DOT1L: variants seen among roughly 807,000 people sequenced by gnomAD.
DOT1L encodes the protein DOT1 like histone lysine methyltransferase, also known as histone-lysine N-methyltransferase, H3 lysine-79 specific.
Under a neutral mutation model 153.3 loss-of-function variants are expected in DOT1L, and 33 were observed. The ratio of observed to expected loss-of-function variants is 0.22; its 90% CI spans 0.16 to 0.29. The LOEUF (loss-of-function observed/expected upper bound fraction) is 0.29, where lower values mean the gene tolerates loss of function less well. Among genes scored for constraint, DOT1L ranks in the 10% least tolerant of loss-of-function variants. The probability of loss-of-function intolerance (pLI) is 1.00; values close to 1 mark genes in which losing one functional copy is unlikely to be tolerated. For synonymous variants in DOT1L, 1,135 were observed against 965.1 expected, an observed-to-expected ratio of 1.18 and a Z score of -3.26; for missense variants, 1,847 against 2,119.9, an observed-to-expected ratio of 0.87 and a Z score of 2.53.
Position 2,216,403 on chromosome 19 carries a change from G to C in DOT1L, c.2046G>C (p.Glu682Asp), listed in dbSNP as rs768380941. The change falls in exon 20 of 28, where the codon GAG (glutamate) becomes GAC (aspartate). Residue 682 changes from glutamate to aspartate, a missense_variant. By Grantham distance (45) the Glu-to-Asp change is conservative (BLOSUM62 2). This residue lies in a region of DOT1L where 281 missense variants were observed against 263.6 expected (regional missense o/e 1.07). Transcript: ENST00000398665. ...GTGGGAAGGGCGCCCTGGGCCGCGAGCTGGAGCCTGACGCCAGCCGGCTGC... is the reference window on the plus strand; with the variant it reads ...GTGGGAAGGGCGCCCTGGGCCGCGACCTGGAGCCTGACGCCAGCCGGCTGC... ...HLRGKGALGR[E>D]LEPDASRLHL... The C allele has an allele frequency of 2.5e-6, 4 of 1,612,460 alleles. No homozygotes were observed. The South Asian group carries it at 4.4e-5, about 18-fold the overall frequency.
chr19:2,180,386 TG>T (rs993229958), intron 1 of DOT1L, among the ~76,000 whole-genome samples: 2 of 151,956 alleles, frequency 1.3e-5, no homozygotes, highest in African/African-American at 4.8e-5. Context: ...GGGAGACATG[TG>T]GAGCGGAGCT....
rs770619372 is a variant in DOT1L at position 2,208,164 on chromosome 19, GC to G, written c.963+486del. Among the ~76,000 whole-genome samples, 19 of 152,078 alleles carry G rather than the reference GC, an allele frequency of 1.2e-4. No homozygotes were observed. The highest frequency in any genetic ancestry group is 1.9e-4 in the Non-Finnish European group (13 of 67,982). The stretch of plus-strand genomic sequence containing the variant: ...TGACACAGCCCTGGGCCAGTGTGCG[GC>G]CTGCCTGCCTCCCACGGTGCTTCCC... On this transcript the variant is annotated intron_variant, in intron 11 of 27. Transcript: ENST00000398665. This position sits in a 1 kb window ranked among gnomAD's most constrained non-coding sequence, Gnocchi z 4.4.
chr19:2,195,203 G>T (rs1373772883), intron 7 of DOT1L, among the ~76,000 whole-genome samples: 1 of 152,014 alleles, frequency 6.6e-6, no homozygotes, highest in Non-Finnish European at 1.5e-5. Flanking sequence ...ACCCAGGTTG[G>T]GTGATTAATG....
chr19:2,205,007 G>GGAC (rs2023437536), intron 9 of DOT1L, among the ~76,000 whole-genome samples: 2 of 151,336 alleles, frequency 1.3e-5, no homozygotes, highest in Non-Finnish European at 2.9e-5. Context: ...GTCTCACTCT[G>GGAC]TCGCCCAGGC....
intron 27 of DOT1L, 56 bp from the exon 28 acceptor site, chr19:2,229,729 C>T (rs1390744909): frequency 4.3e-6 from 7 of 1,611,376 alleles, no homozygotes; most frequent in Non-Finnish European, 5.9e-6. Context: ...GAGTGTTGGG[C>T]TCCCCCAGGC....
At chr19:2,227,322 C>T in intron 27 of DOT1L, 195 bp downstream of exon 27, 2 of 780,576 alleles carry the variant, frequency 2.6e-6, no homozygotes, top group Non-Finnish European at 4.5e-6. Flanking sequence ...GTCCGTGTGT[C>T]TTGGGTTCTC....
chr19:2,198,868 T>C (rs1287213355), intron 7 of DOT1L, among the ~76,000 whole-genome samples: 2 of 152,206 alleles, frequency 1.3e-5, no homozygotes, highest in Admixed American at 6.5e-5. Flanking sequence ...GCATCCGCGA[T>C]GTGGCCTGGG....
At chr19:2,200,390 C>T (rs1243188196) in intron 8 of DOT1L, among the ~76,000 whole-genome samples, 1 of 152,204 alleles carries the variant, frequency 6.6e-6, no homozygotes. Context: ...CTGGGCTTGC[C>T]CCTCCGCGCC....
chr19:2,194,600 G>A (rs982956000), intron 7 of DOT1L, 23 bp downstream of exon 7: 32 of 1,594,608 alleles, frequency 2.0e-5, no homozygotes, highest in Admixed American at 5.0e-5. Flanking sequence ...GCTCCGCCCC[G>A]GCTCCCATCG....
Position 2,217,724 on chromosome 19 carries a change from T to TG in DOT1L, c.2545-46dup, listed in dbSNP as rs781152408. The TG allele has an allele frequency of 2.6e-6, 4 of 1,568,418 alleles. No individual in the cohort carries two copies. The highest frequency in any genetic ancestry group is 3.5e-6 in the Non-Finnish European group (4 of 1,157,968). ...TCCTGTGGCTGTGGTCCCTGTGTCC[T>TG]GGAGGGGTTTGTTGACCCACGACTG... On this transcript the variant is annotated intron_variant, in intron 21 of 27. Coordinates refer to ENST00000398665, the MANE Select transcript of DOT1L (RefSeq NM_032482.3). This position sits in a 1 kb window ranked among gnomAD's most constrained non-coding sequence, Gnocchi z 7.3.
At chr19:2,214,956 C>T (rs187459558) in intron 19 of DOT1L, among the ~76,000 whole-genome samples, 2 of 152,288 alleles carry the variant, frequency 1.3e-5, no homozygotes, top group Non-Finnish European at 2.9e-5. Flanking sequence ...GGGCTTATGC[C>T]TGTAATCCCA....
Position 2,222,319 on chromosome 19 carries a change from C to G in DOT1L, c.3150C>G (p.Thr1050=). ...AGAGGAGGATTGTGTTCACCATCAC[C>G]ACTGGTGCGGGCAGTGCCAAGCAGT... ...EAKRRIVFTI[T]TGAGSAKQSP... Residue 1050 remains threonine, a synonymous_variant, in exon 24 of 28, where the codon ACC becomes ACG. Coordinates refer to ENST00000398665, the MANE Select transcript of DOT1L (RefSeq NM_032482.3). This position sits in a 1 kb window ranked among gnomAD's most constrained non-coding sequence, Gnocchi z 6.5. 6.2e-7 allele frequency: 1 copy of G among 1,613,014 alleles called. No homozygotes were observed. The highest frequency in any genetic ancestry group is 8.5e-7 in the Non-Finnish European group (1 of 1,179,916).
At chr19:2,199,311 T>C (rs1302816179) in intron 7 of DOT1L, among the ~76,000 whole-genome samples, 2 of 152,196 alleles carry the variant, frequency 1.3e-5, no homozygotes, top group African/African-American at 4.8e-5. Context: ...CCCCAGGGAC[T>C]GGCGGCTCAG....
intron 2 of DOT1L, among the ~76,000 whole-genome samples, chr19:2,183,752 G>C (rs1285380353): frequency 6.6e-6 from 1 of 151,746 alleles, no homozygotes; most frequent in South Asian, 2.1e-4. Context: ...TCAGCCTCCC[G>C]AGTAGCTGGG....
chr19:2,216,277 G>C lies in DOT1L; in HGVS notation c.1924-4G>C. 1 of 1,561,866 alleles carries C rather than the reference G, an allele frequency of 6.4e-7. No homozygotes were observed. Among genetic ancestry groups the C allele is most frequent in the Non-Finnish European group, 8.7e-7 (1 of 1,148,464 alleles). ...CGGGCCTGACACCATCTCTCCTCCT[G>C]CAGATCAGCATTGTGGAGCTAGAGA... is the stretch of plus-strand genomic sequence containing the variant. On this transcript the variant is annotated splice_region_variant and splice_polypyrimidine_tract_variant and intron_variant, in intron 19 of 27. Coordinates refer to ENST00000398665, the MANE Select transcript of DOT1L (RefSeq NM_032482.3).
Position 2,190,411 on chromosome 19 carries a change from C to T in DOT1L, c.265-601C>T, listed in dbSNP as rs1473344694. ...AGCCCTGGTGGGGGTGGCATGGGCT[C>T]ACTTGGCCCTCCTGAGTGGGACTGG... On this transcript the variant is annotated intron_variant, in intron 4 of 27. Transcript: ENST00000398665. The surrounding 1 kb of genome is among the most constrained non-coding windows in gnomAD (Gnocchi z 4.8). Among the ~76,000 whole-genome samples, 2 of 152,030 alleles carry T rather than the reference C, an allele frequency of 1.3e-5. No individual in the cohort carries two copies. Among genetic ancestry groups the T allele is most frequent in the African/African-American group, 2.4e-5 (1 of 41,378 alleles).
At chr19:2,165,231 G>T (rs555774977) in intron 1 of DOT1L, among the ~76,000 whole-genome samples, 1 of 152,254 alleles carries the variant, frequency 6.6e-6, no homozygotes, top group African/African-American at 2.4e-5. Context: ...GCGAGTTTTG[G>T]GGGGCGCGTC....
rs1335735193 is a variant in DOT1L at position 2,193,276 on chromosome 19, A to G, written c.494-413A>G. Among the ~76,000 whole-genome samples the G allele has an allele frequency of 1.3e-5, 2 of 152,288 alleles. No individual in the cohort carries two copies. Among genetic ancestry groups the G allele is most frequent in the Non-Finnish European group, 2.9e-5 (2 of 68,010 alleles). Reference sequence around the variant, plus strand: ...TGCTCATGAGCCTTCCTGGGGTGCCATAAGATTTTATCAGCCAGGTTGCTG... The same window carrying G: ...TGCTCATGAGCCTTCCTGGGGTGCCGTAAGATTTTATCAGCCAGGTTGCTG... On this transcript the variant is annotated intron_variant, in intron 5 of 27. Coordinates refer to ENST00000398665, the MANE Select transcript of DOT1L (RefSeq NM_032482.3). The surrounding 1 kb of genome is among the most constrained non-coding windows in gnomAD (Gnocchi z 5.9).
intron 27 of DOT1L, chr19:2,229,332 A>G (rs1266854371): frequency 1.0e-6 from 1 of 985,394 alleles, no homozygotes; most frequent in African/African-American, 1.7e-5. Flanking sequence ...CTTCTGCCTC[A>G]GGGGCCCCTG....
Sources: gnomAD v4.1 joint callset for allele counts (sites outside exome capture counted in the v4.1 genomes callset) on GRCh38, gnomAD v4.1.1 for gene constraint, gnomAD v4.1.1 regional missense constraint, Gnocchi (gnomAD v3.1) non-coding constraint, MANE v1.5 for transcripts, NCBI Gene and HGNC (gene_info 2026-07-23, HGNC 2026-07-21) for gene names.